The following KLHL29 variants were observed in gnomAD, a reference collection of about 807,000 sequenced individuals.
KLHL29 encodes kelch like family member 29.
A neutral mutation model predicts 80.4 loss-of-function variants in KLHL29; 21 were observed. The observed-to-expected ratio is 0.26, with a 90% confidence interval of 0.19 to 0.38. The LOEUF (loss-of-function observed/expected upper bound fraction) is 0.38. Among genes scored for constraint, KLHL29 ranks in the 10% least tolerant of loss-of-function variants. KLHL29 has a pLI of 1.00. For synonymous variants in KLHL29, 511 were observed against 526.8 expected, an observed-to-expected ratio of 0.97 and a Z score of 0.41; for missense variants, 867 against 1,223.9, an observed-to-expected ratio of 0.71 and a Z score of 4.35.
At chr2:23,390,286 A>C (rs1666284869) in intron 1 of KLHL29, among the ~76,000 whole-genome samples, 1 of 152,192 alleles carries the variant, frequency 6.6e-6, no homozygotes, top group African/African-American at 2.4e-5. Context: ...GGGTATCTGC[A>C]TGAAATTCAA....
intron 2 of KLHL29, among the ~76,000 whole-genome samples, chr2:23,518,316 T>C (rs1666001085): frequency 6.6e-6 from 1 of 152,206 alleles, no homozygotes; most frequent in African/African-American, 2.4e-5. Context: ...GAAGTAAAGA[T>C]GTAAGCGTTG....
chr2:23,401,453 ACTT>A (rs939523982), intron 1 of KLHL29, among the ~76,000 whole-genome samples: 5 of 152,128 alleles, frequency 3.3e-5, no homozygotes, highest in East Asian at 3.9e-4. Flanking sequence ...TTTCTAAAGG[ACTT>A]CTTCTGAATT....
intron 1 of KLHL29, among the ~76,000 whole-genome samples, chr2:23,438,857 A>G (rs962967031): frequency 1.1e-4 from 17 of 151,316 alleles, no homozygotes; most frequent in African/African-American, 3.4e-4. Flanking sequence ...TTCTTTTTCT[A>G]TTGATTGGAA....
At position 23,706,885 on chromosome 2, in the gene KLHL29, C is replaced by T. The variant is rs1209130452; in HGVS notation, c.*221C>T. On this transcript the variant is annotated 3_prime_UTR_variant, in exon 14 of 14. Coordinates refer to ENST00000486442, the MANE Select transcript of KLHL29 (RefSeq NM_052920.2). The stretch of plus-strand genomic sequence containing the variant: ...CTTGGAGCCGCAGGAACCACGATCC[C>T]GCCATGGGGCTGGCTGCCTCCTGAA... 5 of 465,970 alleles carry T rather than the reference C, an allele frequency of 1.1e-5. No homozygotes were observed. The highest frequency in any genetic ancestry group is 4.0e-5 in the African/African-American group (2 of 49,972). 28.9% of individuals were successfully genotyped at this position (465,970 alleles called of 1,614,324 possible).
intron 11 of KLHL29, among the ~76,000 whole-genome samples, chr2:23,701,940 G>A (rs547716455): frequency 6.6e-6 from 1 of 151,736 alleles, no homozygotes; most frequent in South Asian, 2.1e-4. Flanking sequence ...GGGTAGCTGG[G>A]TAGCTGGAAT....
intron 1 of KLHL29, among the ~76,000 whole-genome samples, chr2:23,473,933 C>A (rs1339097349): frequency 6.6e-6 from 1 of 152,134 alleles, no homozygotes; most frequent in Non-Finnish European, 1.5e-5. Flanking sequence ...GGGCCAGATG[C>A]CCACACGACC....
At chr2:23,584,789 T>C (rs927222435) in intron 3 of KLHL29, among the ~76,000 whole-genome samples, 1 of 152,142 alleles carries the variant, frequency 6.6e-6, no homozygotes, top group African/African-American at 2.4e-5. Flanking sequence ...CAGGCCGGAG[T>C]GCAATAACAC....
At chr2:23,394,714 A>G (rs1050120553) in intron 1 of KLHL29, among the ~76,000 whole-genome samples, 1 of 152,214 alleles carries the variant, frequency 6.6e-6, no homozygotes, top group African/African-American at 2.4e-5. Flanking sequence ...GGTCCAGCTA[A>G]TTTTCTTTTA....
At chr2:23,462,516 C>T (rs1664243339) in intron 1 of KLHL29, among the ~76,000 whole-genome samples, 2 of 152,310 alleles carry the variant, frequency 1.3e-5, no homozygotes, top group South Asian at 4.1e-4. Flanking sequence ...TATAATGATT[C>T]CGTGGTAGGA....
intron 2 of KLHL29, among the ~76,000 whole-genome samples, chr2:23,506,077 G>A (rs1439670656): frequency 6.6e-6 from 1 of 152,216 alleles, no homozygotes; most frequent in African/African-American, 2.4e-5. Flanking sequence ...AGCAACAGGA[G>A]CACTCTGGGC....
chr2:23,612,278 A>T (rs1458247275), intron 3 of KLHL29, among the ~76,000 whole-genome samples: 1 of 152,234 alleles, frequency 6.6e-6, no homozygotes, highest in African/African-American at 2.4e-5. Flanking sequence ...GACAAAATAT[A>T]TAACTGACTT....
intron 2 of KLHL29, chr2:23,532,625 G>C: frequency 2.2e-6 from 1 of 456,730 alleles, no homozygotes; most frequent in South Asian, 1.5e-5. Context: ...AAGATTGTAA[G>C]ATTATCTTAA....
intron 3 of KLHL29, among the ~76,000 whole-genome samples, chr2:23,623,893 A>C (rs1669245224): frequency 6.6e-6 from 1 of 152,224 alleles, no homozygotes; most frequent in East Asian, 1.9e-4. Flanking sequence ...GCTGTGACCA[A>C]GTTCTGGGTT....
At chr2:23,556,282 C>T (rs73919755) in intron 2 of KLHL29, among the ~76,000 whole-genome samples, 3,075 of 152,168 alleles carry the variant, frequency 0.02, 88 homozygotes, top group African/African-American at 0.07. Flanking sequence ...CAGACTGCTA[C>T]GAAGATGACC....
intron 1 of KLHL29, among the ~76,000 whole-genome samples, chr2:23,469,974 A>G (rs1435489532): frequency 3.3e-5 from 5 of 150,458 alleles, no homozygotes; most frequent in Middle Eastern, 6.4e-3. Flanking sequence ...GAGTTGGGTG[A>G]GTTCGAGTTC....
intron 1 of KLHL29, among the ~76,000 whole-genome samples, chr2:23,474,201 C>G (rs1664569365): frequency 1.3e-5 from 2 of 152,174 alleles, no homozygotes; most frequent in South Asian, 4.1e-4. Context: ...CTTTTGTTCA[C>G]TCATGTATTC....
chr2:23,691,634 G>T, intron 6 of KLHL29, 40 bp from the exon 7 acceptor site: 2 of 1,524,008 alleles, frequency 1.3e-6, no homozygotes, highest in Non-Finnish European at 1.8e-6. Context: ...CACGGTGGCC[G>T]CAGGGCAGGA....
At chr2:23,415,416 G>T (rs1442734287) in intron 1 of KLHL29, among the ~76,000 whole-genome samples, 1 of 152,202 alleles carries the variant, frequency 6.6e-6, no homozygotes, top group African/African-American at 2.4e-5. Flanking sequence ...TCTTTCTTTT[G>T]TGAAGCGAAG....
chr2:23,479,769 A>G (rs1664737543), intron 2 of KLHL29, among the ~76,000 whole-genome samples: 1 of 152,014 alleles, frequency 6.6e-6, no homozygotes, highest in Non-Finnish European at 1.5e-5. Context: ...TCCCTTAGCC[A>G]TGCATCTCCT....
Sources: allele counts gnomAD v4.1 joint callset (sites outside exome capture counted in the v4.1 genomes callset), GRCh38; gene constraint gnomAD v4.1.1; transcripts MANE v1.5; gene names NCBI Gene and HGNC (gene_info 2026-07-23, HGNC 2026-07-21).